The following PCDH15 variants were observed in gnomAD, a reference collection of about 807,000 sequenced individuals.
The protein encoded by PCDH15 is protocadherin related 15.
PCDH15 carries 129 observed loss-of-function variants against 178.5 expected under a neutral mutation model. That is an observed-to-expected ratio of 0.72 (90% CI 0.63 to 0.84). The LOEUF (loss-of-function observed/expected upper bound fraction) is 0.84, where lower values mean the gene tolerates loss of function less well. Ranked by LOEUF, PCDH15 falls within the 40% of genes least tolerant of loss-of-function variation. The probability of loss-of-function intolerance (pLI) is 0.00; values close to 1 mark genes in which losing one functional copy is unlikely to be tolerated. For missense variants in PCDH15, 2,230 were observed against 2,099.9 expected (o/e 1.06, Z -1.21); for synonymous variants, 800 against 732.0 (o/e 1.09, Z -1.50).
intron 8 of PCDH15, among the ~76,000 whole-genome samples, chr10:54,299,285 GAAGTA>G (rs2060004251): frequency 6.7e-6 from 1 of 149,938 alleles, no homozygotes; most frequent in South Asian, 2.1e-4. Flanking sequence ...GAGAGTCAAA[GAAGTA>G]AAGAGAGGAA....
intron 3 of PCDH15, among the ~76,000 whole-genome samples, chr10:54,439,424 G>T (rs1225188261): frequency 6.6e-6 from 1 of 152,026 alleles, no homozygotes; most frequent in African/African-American, 2.4e-5. Context: ...ATTTTAATGA[G>T]GCGTAGTTGT....
intron 29 of PCDH15, among the ~76,000 whole-genome samples, chr10:53,834,687 A>C (rs958480370): frequency 6.6e-6 from 1 of 152,164 alleles, no homozygotes; most frequent in African/African-American, 2.4e-5. Context: ...AACCAATGTC[A>C]TGTCTTATTA....
At chr10:54,275,206 T>C (rs1360966590) in intron 8 of PCDH15, among the ~76,000 whole-genome samples, 1 of 151,810 alleles carries the variant, frequency 6.6e-6, no homozygotes, top group Non-Finnish European at 1.5e-5. Flanking sequence ...AAAATATATA[T>C]ATACGTTAAA....
In PCDH15 at chr10:55,310,206, T is replaced by A. The variant is rs980078874; in HGVS notation, c.-156+9393A>T. ...ATTTCCTTTATTTATTTCTTATAAG[T>A]CAGCCTTCTCCTCTAGCATGTGAAA... On this transcript the variant is annotated intron_variant, in intron 1 of 5. Transcript: ENST00000458638. Among the ~76,000 whole-genome samples, 4 of 152,188 alleles carry A rather than the reference T, an allele frequency of 2.6e-5. 1 individual carries two copies. Among genetic ancestry groups the A allele is most frequent in the African/African-American group, 7.2e-5 (3 of 41,456 alleles).
intron 2 of PCDH15, among the ~76,000 whole-genome samples, chr10:54,635,524 ACTACT>A (rs1444258026): frequency 1.3e-5 from 2 of 151,888 alleles, no homozygotes; most frequent in Non-Finnish European, 2.9e-5. Context: ...CAGTAATATA[ACTACT>A]CTAAGTTGTT....
rs999103993 is a variant in PCDH15 at position 55,553,521 on chromosome 10, T to C, written c.-156+74104A>G. 3.3e-5 allele frequency among the ~76,000 whole-genome samples: 5 copies of C among 151,946 alleles called. No individual in the cohort carries two copies. In the South Asian group the frequency reaches 8.3e-4, roughly 25 times the overall value. On this transcript the variant is annotated intron_variant, in intron 2 of 5. Transcript: ENST00000613346. ...AATACTATTTTTAATGAATATTCAT[T>C]GTCATTTTGGCACATTCCTTCCAAT...
At chr10:55,129,888 A>C (rs1163265530) in intron 2 of PCDH15, among the ~76,000 whole-genome samples, 2 of 152,142 alleles carry the variant, frequency 1.3e-5, no homozygotes, top group East Asian at 3.9e-4. Flanking sequence ...ACAAATGTGC[A>C]ATGCTATATA....
chr10:54,618,186 T>C (rs926712453), intron 2 of PCDH15, among the ~76,000 whole-genome samples: 1 of 152,102 alleles, frequency 6.6e-6, no homozygotes, highest in Non-Finnish European at 1.5e-5. Flanking sequence ...GTAGATTAAG[T>C]ACATGAGTAT....
chr10:54,055,351 T>A (rs879565684), intron 18 of PCDH15, among the ~76,000 whole-genome samples: 9 of 152,178 alleles, frequency 5.9e-5, no homozygotes, highest in Non-Finnish European at 1.2e-4. Flanking sequence ...CTCAAAGAAG[T>A]CAGTTCAGTA....
intron 14 of PCDH15, among the ~76,000 whole-genome samples, chr10:54,151,856 C>A (rs992872818): frequency 6.6e-6 from 1 of 152,022 alleles, no homozygotes; most frequent in East Asian, 1.9e-4. Context: ...GGAGAGGGAA[C>A]ATTTTGGAGG....
chr10:55,143,744 A>G (rs1216851786), intron 2 of PCDH15, among the ~76,000 whole-genome samples: 1 of 152,112 alleles, frequency 6.6e-6, no homozygotes, highest in Non-Finnish European at 1.5e-5. Flanking sequence ...CTATGAAACA[A>G]GCTGCTAAAA....
chr10:55,139,585 A>T (rs1838292332), intron 2 of PCDH15, among the ~76,000 whole-genome samples: 1 of 152,000 alleles, frequency 6.6e-6, no homozygotes, highest in South Asian at 2.1e-4. Context: ...AATTGTGTCA[A>T]AAGTTAGTTG....
At chr10:55,471,548 C>A (rs1250004882) in intron 2 of PCDH15, among the ~76,000 whole-genome samples, 2 of 152,124 alleles carry the variant, frequency 1.3e-5, no homozygotes, top group Non-Finnish European at 2.9e-5. Flanking sequence ...TCTGGAATAT[C>A]ATTGCCCTCC....
At chr10:55,124,439 C>G (rs184215316) in intron 2 of PCDH15, among the ~76,000 whole-genome samples, 3 of 152,162 alleles carry the variant, frequency 2.0e-5, no homozygotes, top group Non-Finnish European at 2.9e-5. Context: ...TGTATTAGAG[C>G]TTTTTAAAAA....
chr10:54,157,040 C>G (rs73245440), intron 13 of PCDH15, among the ~76,000 whole-genome samples: 4,344 of 152,304 alleles, frequency 0.029, 211 homozygotes, highest in African/African-American at 0.1. Flanking sequence ...CAGCCTCCCC[C>G]CCAACTTTGT....
At chr10:54,160,122 G>A (rs1441870134) in intron 13 of PCDH15, among the ~76,000 whole-genome samples, 1 of 152,118 alleles carries the variant, frequency 6.6e-6, no homozygotes, top group East Asian at 1.9e-4. Flanking sequence ...GCTTCTAAGT[G>A]ACTCATGGGC....
At chr10:54,889,648 A>C (rs1194235131) in intron 3 of PCDH15, among the ~76,000 whole-genome samples, 2 of 151,238 alleles carry the variant, frequency 1.3e-5, no homozygotes, top group Non-Finnish European at 3.0e-5. Flanking sequence ...AGAACCCTCA[A>C]GAACTCCACA....
intron 3 of PCDH15, among the ~76,000 whole-genome samples, chr10:54,831,320 T>C (rs190030955): frequency 6.6e-6 from 1 of 152,244 alleles, no homozygotes; most frequent in Admixed American, 6.6e-5. Context: ...AAAAACTTAT[T>C]GTCAACATTT....
intron 2 of PCDH15, among the ~76,000 whole-genome samples, chr10:55,489,127 C>T (rs1436379782): frequency 2.6e-5 from 4 of 151,214 alleles, no homozygotes; most frequent in African/African-American, 9.7e-5. Flanking sequence ...ATACTTAAAC[C>T]ACCATCACTT....
Sources: gnomAD v4.1 joint callset for allele counts (sites outside exome capture counted in the v4.1 genomes callset) on GRCh38, gnomAD v4.1.1 for gene constraint, MANE v1.5 for transcripts, NCBI Gene and HGNC (gene_info 2026-07-23, HGNC 2026-07-21) for gene names.